Variants in LRRC4C observed in about 807,000 individuals in gnomAD.
LRRC4C encodes the protein leucine rich repeat containing 4C.
In LRRC4C, 5 loss-of-function variants were observed where a neutral mutation model predicts 33.6. The ratio of observed to expected loss-of-function variants is 0.15; its 90% CI spans 0.08 to 0.31. LRRC4C has a LOEUF of 0.31. Ranked by LOEUF, LRRC4C falls within the 10% of genes least tolerant of loss-of-function variation. The pLI is 1.00. For missense variants in LRRC4C, 560 were observed against 796.7 expected (o/e 0.70, Z 3.58); for synonymous variants, 329 against 302.0 (o/e 1.09, Z -0.93).
intron 2 of LRRC4C, among the ~76,000 whole-genome samples, chr11:40,745,321 T>C (rs748733064): frequency 2.6e-5 from 4 of 152,036 alleles, no homozygotes; most frequent in Non-Finnish European, 5.9e-5. Context: ...AAAAAGGGGA[T>C]TGAGTGGTTT....
At chr11:41,387,190 T>C (rs1953394929) in intron 1 of LRRC4C, among the ~76,000 whole-genome samples, 2 of 137,696 alleles carry the variant, frequency 1.5e-5, no homozygotes, top group Non-Finnish European at 3.2e-5. Context: ...TTTTAGGCAA[T>C]GAGGAGATGA....
chr11:40,954,785 C>T lies in LRRC4C; in HGVS notation c.-495-21062G>A, dbSNP rs772188984. Reference sequence around the variant, plus strand: ...AATATTGGCTGTGGCTTGGCACCACCATTTGCAATTTCTTCTCTAGCTTAA... The same window carrying T: ...AATATTGGCTGTGGCTTGGCACCACTATTTGCAATTTCTTCTCTAGCTTAA... On this transcript the variant is annotated intron_variant, in intron 1 of 6. Transcript: ENST00000528697. Among the ~76,000 whole-genome samples, 4 of 151,752 alleles carry T rather than the reference C, an allele frequency of 2.6e-5. No individual in the cohort carries two copies. The South Asian group carries it at 6.2e-4, about 24-fold the overall frequency.
chr11:40,287,910 A>G (rs983129736), intron 4 of LRRC4C, among the ~76,000 whole-genome samples: 3 of 152,216 alleles, frequency 2.0e-5, no homozygotes, highest in Non-Finnish European at 2.9e-5. Context: ...TCTTGTCTAT[A>G]TATTTCTTCT....
At chr11:40,166,491 A>T (rs962665529) in intron 5 of LRRC4C, among the ~76,000 whole-genome samples, 4 of 152,184 alleles carry the variant, frequency 2.6e-5, no homozygotes, top group Non-Finnish European at 5.9e-5. Context: ...AGGCATTGTC[A>T]GTTTCCTACT....
chr11:40,421,843 G>A (rs1383529227), intron 3 of LRRC4C, among the ~76,000 whole-genome samples: 2 of 152,186 alleles, frequency 1.3e-5, no homozygotes, highest in Admixed American at 6.5e-5. Flanking sequence ...CTGCTTCAGA[G>A]GGAAAATTGG....
intron 1 of LRRC4C, among the ~76,000 whole-genome samples, chr11:41,030,150 T>C (rs1218238479): frequency 3.3e-5 from 5 of 151,850 alleles, no homozygotes; most frequent in African/African-American, 1.2e-4. Context: ...GCATAATTAA[T>C]TTTGGCAATA....
chr11:40,810,830 G>C (rs1382994802), intron 2 of LRRC4C, among the ~76,000 whole-genome samples: 4 of 152,062 alleles, frequency 2.6e-5, no homozygotes, highest in Non-Finnish European at 4.4e-5. Flanking sequence ...CACTACTGGG[G>C]CCTGCTAAAT....
At chr11:41,335,543 C>T (rs1171803923) in intron 1 of LRRC4C, among the ~76,000 whole-genome samples, 1 of 152,004 alleles carries the variant, frequency 6.6e-6, no homozygotes, top group Non-Finnish European at 1.5e-5. Flanking sequence ...GTGCTTCTTC[C>T]ATAGAGGGTA....
chr11:40,936,206 A>G (rs1380422251), intron 1 of LRRC4C, among the ~76,000 whole-genome samples: 2 of 149,148 alleles, frequency 1.3e-5, no homozygotes, highest in Admixed American at 6.7e-5. Context: ...AAAATAGGTT[A>G]TTTTTCACCA....
intron 1 of LRRC4C, among the ~76,000 whole-genome samples, chr11:40,968,829 T>C (rs1851526823): frequency 6.6e-6 from 1 of 152,136 alleles, no homozygotes. Flanking sequence ...AAATCTCTGA[T>C]GGAGATGTAC....
At chr11:41,263,232 A>T (rs777567064) in intron 1 of LRRC4C, among the ~76,000 whole-genome samples, 1 of 152,150 alleles carries the variant, frequency 6.6e-6, no homozygotes, top group African/African-American at 2.4e-5. Context: ...AACATTTATT[A>T]TTGATTTTTT....
intron 1 of LRRC4C, among the ~76,000 whole-genome samples, chr11:41,153,333 T>C (rs1273326146): frequency 6.6e-6 from 1 of 152,176 alleles, no homozygotes; most frequent in Non-Finnish European, 1.5e-5. Flanking sequence ...TGTTGTTTTT[T>C]CTCATCTTTG....
chr11:40,134,241 A>G (rs1245664380), intron 6 of LRRC4C, among the ~76,000 whole-genome samples: 1 of 152,192 alleles, frequency 6.6e-6, no homozygotes, highest in Non-Finnish European at 1.5e-5. Context: ...AATAATCATC[A>G]TCATCAAGAA....
intron 3 of LRRC4C, among the ~76,000 whole-genome samples, chr11:40,577,808 TTTTG>T (rs1351468801): frequency 2.0e-4 from 30 of 151,680 alleles, no homozygotes; most frequent in African/African-American, 6.0e-4. Context: ...GACTGGATTT[TTTTG>T]TTTGTTTGTT....
At chr11:40,983,181 T>C (rs535566096) in intron 1 of LRRC4C, among the ~76,000 whole-genome samples, 1 of 152,274 alleles carries the variant, frequency 6.6e-6, no homozygotes, top group Admixed American at 6.5e-5. Flanking sequence ...TTCCTTTGGG[T>C]ATATACCCAG....
chr11:41,103,364 C>T (rs1941309880), intron 1 of LRRC4C, among the ~76,000 whole-genome samples: 1 of 151,844 alleles, frequency 6.6e-6, no homozygotes, highest in South Asian at 2.1e-4. Context: ...ATTAGCATTT[C>T]CCCTCAATCA....
At chr11:40,199,741 T>A (rs1241767837) in intron 5 of LRRC4C, among the ~76,000 whole-genome samples, 1 of 152,150 alleles carries the variant, frequency 6.6e-6, no homozygotes. Flanking sequence ...ATTATTAATT[T>A]TGCTTTCCAA....
intron 2 of LRRC4C, among the ~76,000 whole-genome samples, chr11:40,910,879 A>G (rs1054520655): frequency 2.0e-5 from 3 of 152,176 alleles, no homozygotes; most frequent in Non-Finnish European, 4.4e-5. Flanking sequence ...GTCTTAGCAA[A>G]CGGCACACAA....
At chr11:40,414,828 G>A (rs1047603134) in intron 3 of LRRC4C, among the ~76,000 whole-genome samples, 1 of 152,024 alleles carries the variant, frequency 6.6e-6, no homozygotes, top group East Asian at 1.9e-4. Flanking sequence ...CTCTCCGAAG[G>A]GATGGAACTC....
Sources: allele counts gnomAD v4.1 joint callset (sites outside exome capture counted in the v4.1 genomes callset), GRCh38; gene constraint gnomAD v4.1.1; transcripts MANE v1.5; gene names NCBI Gene and HGNC (gene_info 2026-07-23, HGNC 2026-07-21).